CIB1: variants seen among roughly 807,000 people sequenced by gnomAD.
CIB1 encodes calcium and integrin-binding protein 1.
CIB1 carries 19 observed loss-of-function variants against 25.0 expected under a neutral mutation model. That is an observed-to-expected ratio of 0.76 (90% CI 0.53 to 1.12). The LOEUF (loss-of-function observed/expected upper bound fraction) is 1.12. Ranked by LOEUF, CIB1 falls within the 50% of genes most tolerant of loss-of-function variation. The pLI is 0.00. For synonymous variants in CIB1, 104 were observed against 98.5 expected, an observed-to-expected ratio of 1.06 and a Z score of -0.33; for missense variants, 236 against 242.6, an observed-to-expected ratio of 0.97 and a Z score of 0.18.
At chr15:90,260,829 C>T in the CIB1 span, among the ~76,000 whole-genome samples, 4 of 132,062 alleles carry the variant, frequency 3.0e-5, no homozygotes, top group African/African-American at 1.2e-4. Context: ...CCAGCCTGGG[C>T]GATAGAGCAG....
At chr15:90,264,590 G>A in the CIB1 span, 1 of 1,048,066 alleles carries the variant, frequency 9.5e-7, no homozygotes, top group Non-Finnish European at 1.4e-6. Context: ...ACAATACAGT[G>A]TGGGAAAGAC....
At chr15:90,256,017 A>C in the CIB1 span, 1 of 1,560,442 alleles carries the variant, frequency 6.4e-7, no homozygotes, top group Non-Finnish European at 8.7e-7. Context: ...CTGGTCAAAG[A>C]AAAGAGGGTC....
chr15:90,265,618 AC>A, the CIB1 span: 1 of 1,502,534 alleles, frequency 6.7e-7, no homozygotes, highest in South Asian at 1.2e-5. Flanking sequence ...ACTTGCTACT[AC>A]CCAGCCTCCG....
chr15:90,247,505 T>G, the CIB1 span, among the ~76,000 whole-genome samples: 3 of 151,100 alleles, frequency 2.0e-5, no homozygotes, highest in South Asian at 2.1e-4. Context: ...GGCAGCCCAT[T>G]TCTCCATCAG....
At chr15:90,248,418 T>G in the CIB1 span, among the ~76,000 whole-genome samples, 1 of 152,084 alleles carries the variant, frequency 6.6e-6, no homozygotes. Flanking sequence ...TTAGAGAATG[T>G]CCATGCCTTT....
the CIB1 span, chr15:90,244,561 C>A: frequency 2.0e-5 from 3 of 152,148 alleles, no homozygotes; most frequent in Non-Finnish European, 2.9e-5. Context: ...CACGTTGGCT[C>A]ACACCTTTAA....
At chr15:90,259,713 T>C in the CIB1 span, among the ~76,000 whole-genome samples, 4 of 152,340 alleles carry the variant, frequency 2.6e-5, no homozygotes, top group African/African-American at 7.2e-5. Flanking sequence ...AAATCTCCTT[T>C]AGAAACCAGT....
chr15:90,239,304 A>C, the CIB1 span, among the ~76,000 whole-genome samples: 1 of 102,154 alleles, frequency 9.8e-6, no homozygotes, highest in South Asian at 2.9e-4. Context: ...TGAGACATAA[A>C]ATGTGTGTGT....
At chr15:90,244,052 G>C in the CIB1 span, 1 of 151,818 alleles carries the variant, frequency 6.6e-6, no homozygotes, top group Admixed American at 6.6e-5. Flanking sequence ...AAGCAATTCA[G>C]CCTGAGTCTT....
At chr15:90,257,962 T>C in the CIB1 span, 5 of 1,394,698 alleles carry the variant, frequency 3.6e-6, no homozygotes, top group Non-Finnish European at 4.0e-6. Context: ...TTAGCGTTAG[T>C]GTGAGGGAGC....
the CIB1 span, among the ~76,000 whole-genome samples, chr15:90,246,525 C>A: frequency 6.6e-6 from 1 of 151,930 alleles, no homozygotes; most frequent in African/African-American, 2.4e-5. Context: ...GTGGCTCACG[C>A]CTGTAATCCC....
chr15:90,257,699 G>T, the CIB1 span: 1 of 1,614,150 alleles, frequency 6.2e-7, no homozygotes, highest in Non-Finnish European at 8.5e-7. Flanking sequence ...ATTTTGTCCG[G>T]GATGGCGCTG....
the CIB1 span, chr15:90,242,657 G>A: frequency 1.3e-5 from 2 of 152,080 alleles, no homozygotes; most frequent in South Asian, 2.1e-4. Flanking sequence ...ACATTGGCTA[G>A]GCTGGTCTTG....
At chr15:90,256,604 TCTTTCC>T in the CIB1 span, among the ~76,000 whole-genome samples, 1 of 34,742 alleles carries the variant, frequency 2.9e-5, no homozygotes, top group Admixed American at 3.5e-4. Context: ...TTTCTTTCTT[TCTTTCC>T]TTCCTTCCTT....
the CIB1 span, among the ~76,000 whole-genome samples, chr15:90,260,211 GT>G: frequency 2.5e-3 from 388 of 152,264 alleles, 3 homozygotes; most frequent in African/African-American, 9.0e-3. Flanking sequence ...TAAAAATATT[GT>G]TGTGGCCAGG....
At chr15:90,256,575 TTC>T in the CIB1 span, among the ~76,000 whole-genome samples, 3 of 31,936 alleles carry the variant, frequency 9.4e-5, no homozygotes, top group Non-Finnish European at 1.8e-4. Flanking sequence ...CTTTCTTTCT[TTC>T]TTTCTTTCTT....
chr15:90,241,080 C>G, the CIB1 span: 1 of 1,614,198 alleles, frequency 6.2e-7, no homozygotes, highest in East Asian at 2.2e-5. Flanking sequence ...GCCACAATCT[C>G]CCTTTGATGC....
At chr15:90,239,778 G>A in the CIB1 span, among the ~76,000 whole-genome samples, 9 of 152,092 alleles carry the variant, frequency 5.9e-5, no homozygotes, top group South Asian at 8.3e-4. Context: ...GTGCGATCTC[G>A]GCAGTGCCTG....
the CIB1 span, chr15:90,263,810 T>C: frequency 1.4e-6 from 1 of 714,200 alleles, no homozygotes; most frequent in Non-Finnish European, 2.5e-6. Context: ...CTGGTGCTCC[T>C]AAGAGGGGCT....
Sources: allele counts gnomAD v4.1 joint callset (sites outside exome capture counted in the v4.1 genomes callset), GRCh38; gene constraint gnomAD v4.1.1; transcripts MANE v1.5; gene names NCBI Gene and HGNC (gene_info 2026-07-23, HGNC 2026-07-21).